BLTP2: variants seen among roughly 807,000 people sequenced by gnomAD.
The protein encoded by BLTP2 is bridge-like lipid transfer protein family member 2.
the BLTP2 span, among the ~76,000 whole-genome samples, chr17:28,636,495 T>G: frequency 6.6e-6 from 1 of 152,202 alleles, no homozygotes; most frequent in African/African-American, 2.4e-5. Context: ...GTTGAAATTA[T>G]ATATGTCTGA....
the BLTP2 span, chr17:28,631,385 C>T: frequency 5.1e-6 from 6 of 1,184,320 alleles, no homozygotes; most frequent in African/African-American, 7.6e-5. Context: ...TTGTATAAAC[C>T]TCCCAGTCTC....
At chr17:28,624,917 G>T in the BLTP2 span, among the ~76,000 whole-genome samples, 6 of 152,168 alleles carry the variant, frequency 3.9e-5, no homozygotes, top group African/African-American at 1.4e-4. Flanking sequence ...CTAACAGAGT[G>T]TATGGTTAAG....
At chr17:28,643,670 G>T in the BLTP2 span, 1 of 1,613,828 alleles carries the variant, frequency 6.2e-7, no homozygotes, top group Admixed American at 1.7e-5. Context: ...CTAAAACAGT[G>T]AGGGAGAAAG....
the BLTP2 span, chr17:28,637,225 A>T: frequency 7.3e-7 from 1 of 1,366,920 alleles, no homozygotes; most frequent in Non-Finnish European, 1.0e-6. Flanking sequence ...GGGCAACAAT[A>T]GTCCTCACTC....
At chr17:28,635,659 G>A in the BLTP2 span, 1 of 1,544,862 alleles carries the variant, frequency 6.5e-7, no homozygotes, top group Non-Finnish European at 8.7e-7. Flanking sequence ...TCACAAAACA[G>A]TAGAGATGGC....
chr17:28,635,475 A>G, the BLTP2 span: 1 of 1,614,188 alleles, frequency 6.2e-7, no homozygotes, highest in Non-Finnish European at 8.5e-7. Flanking sequence ...TCTCTAGTGC[A>G]AGGGATGGTA....
the BLTP2 span, among the ~76,000 whole-genome samples, chr17:28,627,262 G>A: frequency 6.6e-6 from 1 of 152,098 alleles, no homozygotes; most frequent in East Asian, 1.9e-4. Context: ...CTCCTACTCA[G>A]ATTATTCCCT....
At chr17:28,639,539 A>T in the BLTP2 span, 19 of 1,612,878 alleles carry the variant, frequency 1.2e-5, no homozygotes, top group Admixed American at 3.0e-4. Context: ...GGGAGAATAG[A>T]GAAAGGAACA....
the BLTP2 span, chr17:28,615,768 G>C: frequency 6.2e-7 from 1 of 1,614,172 alleles, no homozygotes; most frequent in Non-Finnish European, 8.5e-7. Context: ...ACCAGGTTAA[G>C]GTCACCCCAG....
At chr17:28,635,869 G>C in the BLTP2 span, 1 of 403,238 alleles carries the variant, frequency 2.5e-6, no homozygotes, top group Non-Finnish European at 4.5e-6. Flanking sequence ...CTGAAAATAG[G>C]GGCCATGTGT....
At chr17:28,624,128 ATTTTTTGGAGC>A in the BLTP2 span, 1 of 1,446,304 alleles carries the variant, frequency 6.9e-7, no homozygotes, top group South Asian at 1.3e-5. Context: ...AGAAGGCCAA[ATTTTTTGGAGC>A]TCTATTCACC....
the BLTP2 span, chr17:28,640,318 G>A: frequency 2.0e-6 from 1 of 507,192 alleles, no homozygotes; most frequent in Non-Finnish European, 3.5e-6. Context: ...GCTTGAACCT[G>A]GGAGGCAGAG....
At chr17:28,634,890 A>G in the BLTP2 span, 1 of 1,613,824 alleles carries the variant, frequency 6.2e-7, no homozygotes, top group Admixed American at 1.7e-5. Context: ...CCTTACTTTC[A>G]TCCTTCATCA....
chr17:28,639,569 T>C, the BLTP2 span: 7 of 1,613,934 alleles, frequency 4.3e-6, no homozygotes, highest in East Asian at 8.9e-5. Flanking sequence ...ACCACAATCA[T>C]CACACCTGCA....
At chr17:28,634,717 G>A in the BLTP2 span, 896 of 1,614,184 alleles carry the variant, frequency 5.6e-4, 1 homozygote, top group Non-Finnish European at 4.4e-4. Context: ...GCGCATGGGT[G>A]TGTTGCCATA....
the BLTP2 span, chr17:28,633,328 A>T: frequency 5.0e-6 from 8 of 1,613,958 alleles, no homozygotes; most frequent in Non-Finnish European, 6.8e-6. Flanking sequence ...CTTGAACACA[A>T]ACTGACCAGG....
the BLTP2 span, chr17:28,642,234 C>G: frequency 6.2e-7 from 1 of 1,608,820 alleles, no homozygotes; most frequent in Admixed American, 1.7e-5. Flanking sequence ...ACTTTACGCC[C>G]AGGAGGAAAT....
the BLTP2 span, among the ~76,000 whole-genome samples, chr17:28,630,588 C>A: frequency 6.7e-6 from 1 of 148,962 alleles, no homozygotes; most frequent in African/African-American, 2.5e-5. Context: ...TCAAGAGATT[C>A]TCCTGCCTCA....
At chr17:28,639,651 G>A in the BLTP2 span, 3 of 1,613,548 alleles carry the variant, frequency 1.9e-6, no homozygotes, top group South Asian at 2.2e-5. Context: ...ATCTGTAAGA[G>A]GCCAGAGGAC....
Sources: allele counts gnomAD v4.1 joint callset (sites outside exome capture counted in the v4.1 genomes callset), GRCh38; gene constraint gnomAD v4.1.1; transcripts MANE v1.5; gene names NCBI Gene and HGNC (gene_info 2026-07-23, HGNC 2026-07-21).